NUP54: variants seen among roughly 807,000 people sequenced by gnomAD.
NUP54 encodes the protein nucleoporin 54.
NUP54 carries 27 observed loss-of-function variants against 66.4 expected under a neutral mutation model. That is an observed-to-expected ratio of 0.41 (90% CI 0.30 to 0.56). The LOEUF is 0.56. Among genes scored for constraint, NUP54 ranks in the 20% least tolerant of loss-of-function variants. The pLI, the probability that NUP54 is intolerant of heterozygous loss-of-function variation, is 0.34. For synonymous variants in NUP54, 206 were observed against 210.7 expected (o/e 0.98, Z 0.19); for missense variants, 486 against 596.3 (o/e 0.82, Z 1.93).
intron 8 of NUP54, among the ~76,000 whole-genome samples, chr4:76,129,863 CAAAAAAAAAAAAAAAA>C (rs747413034): frequency 5.3e-5 from 2 of 37,614 alleles, no homozygotes; most frequent in African/African-American, 1.3e-4. Flanking sequence ...AGAGACGTCT[CAAAAAAAAAAAAAAAA>C]AAAAAAAAAC....
At chr4:76,146,226 A>G (rs746839137) in intron 1 of NUP54, 24 of 283,468 alleles carry the variant, frequency 8.5e-5, no homozygotes, top group Admixed American at 2.3e-4. Context: ...TTACATTATC[A>G]TAACTCAAAA....
intron 9 of NUP54, among the ~76,000 whole-genome samples, chr4:76,123,968 ATT>A (rs1730350555): frequency 6.6e-6 from 1 of 152,106 alleles, no homozygotes; most frequent in African/African-American, 2.4e-5. Context: ...TTTTTAATTT[ATT>A]CTTTCCACTA....
intron 9 of NUP54, among the ~76,000 whole-genome samples, chr4:76,119,968 T>TATGAA (rs1183681949): frequency 2.0e-5 from 3 of 152,158 alleles, no homozygotes; most frequent in Non-Finnish European, 4.4e-5. Flanking sequence ...AAAATAATTT[T>TATGAA]ATTATCAAAA....
chr4:76,144,630 A>G (rs1295454820), intron 1 of NUP54, among the ~76,000 whole-genome samples, 157 bp from the exon 2 acceptor site: 1 of 152,266 alleles, frequency 6.6e-6, no homozygotes, highest in Non-Finnish European at 1.5e-5. Context: ...TTAAAAAACT[A>G]TACTACCAAT....
chr4:76,131,370 C>T, intron 6 of NUP54, 86 bp from the exon 7 acceptor site: 1 of 720,758 alleles, frequency 1.4e-6, no homozygotes, highest in Non-Finnish European at 2.3e-6. Context: ...AAGCAAGACC[C>T]TATACCTAGA....
At chr4:76,118,264 A>G in intron 9 of NUP54, 70 bp from the exon 10 acceptor site, 1 of 1,363,492 alleles carries the variant, frequency 7.3e-7, no homozygotes, top group Non-Finnish European at 1.0e-6. Context: ...TAGTAGTACA[A>G]TTAGTTACTG....
chr4:76,147,872 G>C, intron 1 of NUP54: 1 of 327,192 alleles, frequency 3.1e-6, no homozygotes, highest in Non-Finnish European at 6.0e-6. Context: ...GTGGAACTAA[G>C]GGAGTCAATG....
chr4:76,137,290 G>A (rs1180652833), intron 3 of NUP54, among the ~76,000 whole-genome samples: 1 of 152,102 alleles, frequency 6.6e-6, no homozygotes, highest in Admixed American at 6.5e-5. Flanking sequence ...GAGCAACTGT[G>A]CCCAGCCCTA....
intron 6 of NUP54, 79 bp downstream of exon 6, chr4:76,132,444 A>G: frequency 9.0e-7 from 1 of 1,109,584 alleles, no homozygotes; most frequent in East Asian, 2.5e-5. Flanking sequence ...TTAATAACCA[A>G]CCAACACCTC....
intron 8 of NUP54, 105 bp from the exon 9 acceptor site, chr4:76,124,861 T>C (rs1730400005): frequency 5.6e-6 from 3 of 535,456 alleles, no homozygotes; most frequent in East Asian, 3.1e-5. Flanking sequence ...CTGAGATTCA[T>C]CTCTCAAAAT....
rs143335008 is a variant in NUP54 at position 76,127,660 on chromosome 4, T to C, written c.1057-2904A>G. ...ATACAAGGCAAACATTTAATGGATA[T>C]CATTACATTAAAATTAAGGATTTCT... On this transcript the variant is annotated intron_variant, in intron 8 of 11. Coordinates refer to ENST00000264883, the MANE Select transcript of NUP54 (RefSeq NM_017426.4). 7.2e-5 allele frequency among the ~76,000 whole-genome samples: 11 copies of C among 152,144 alleles called. No homozygotes were observed. In the East Asian group the frequency reaches 1.5e-3, roughly 21 times the overall value.
chr4:76,146,525 C>A (rs2109916588), intron 1 of NUP54, among the ~76,000 whole-genome samples: 1 of 152,314 alleles, frequency 6.6e-6, no homozygotes, highest in South Asian at 2.1e-4. Context: ...GTGATAATCA[C>A]ATTGCAGTAA....
chr4:76,147,455 A>T (rs1288127017), intron 1 of NUP54: 2 of 1,284,642 alleles, frequency 1.6e-6, no homozygotes, highest in Middle Eastern at 2.1e-4. Context: ...AACACTGGTT[A>T]CACATACAAC....
At chr4:76,122,709 A>G (rs929230438) in intron 9 of NUP54, among the ~76,000 whole-genome samples, 6 of 152,200 alleles carry the variant, frequency 3.9e-5, no homozygotes, top group African/African-American at 1.4e-4. Context: ...CTAGGTTTAT[A>G]CCCAAGAGAA....
At chr4:76,140,929 C>T (rs1309365376) in intron 3 of NUP54, among the ~76,000 whole-genome samples, 7 of 152,120 alleles carry the variant, frequency 4.6e-5, no homozygotes, top group Admixed American at 4.6e-4. Context: ...GGAATCTAAG[C>T]TAGTTAGAGT....
At chr4:76,144,728 G>A (rs1731413736) in intron 1 of NUP54, among the ~76,000 whole-genome samples, 1 of 152,092 alleles carries the variant, frequency 6.6e-6, no homozygotes, top group Non-Finnish European at 1.5e-5. Context: ...TAAAGGGGTG[G>A]TTAACAGTTA....
intron 8 of NUP54, among the ~76,000 whole-genome samples, chr4:76,130,069 C>T (rs1272937676): frequency 7.5e-6 from 1 of 132,732 alleles, no homozygotes; most frequent in African/African-American, 2.9e-5. Flanking sequence ...CAACCTCTGC[C>T]TCCCGGGTTC....
intron 9 of NUP54, among the ~76,000 whole-genome samples, chr4:76,120,204 TGC>T (rs1207865551): frequency 6.6e-6 from 1 of 152,190 alleles, no homozygotes; most frequent in Non-Finnish European, 1.5e-5. Flanking sequence ...AACATTTTGG[TGC>T]ATATATCTAT....
At position 76,143,432 on chromosome 4, in the gene NUP54, C is replaced by T. The variant is rs980025621; in HGVS notation, c.295+717G>A. Among the ~76,000 whole-genome samples the T allele has an allele frequency of 7.6e-4, 115 of 152,208 alleles. 1 individual carries two copies. The highest frequency in any genetic ancestry group is 1.0e-4 in the Non-Finnish European group (7 of 67,990). On this transcript the variant is annotated intron_variant, in intron 3 of 11. Transcript: ENST00000264883. ...CAGCCTGGCCAATATGGTAAAACTC[C>T]GTCTCTACTAAAAATACAAAAATTA...
Sources: allele counts gnomAD v4.1 joint callset (sites outside exome capture counted in the v4.1 genomes callset), GRCh38; gene constraint gnomAD v4.1.1; transcripts MANE v1.5; gene names NCBI Gene and HGNC (gene_info 2026-07-23, HGNC 2026-07-21).